NTM: variants seen among roughly 807,000 people sequenced by gnomAD.
NTM encodes neurotrimin.
In NTM, 13 loss-of-function variants were observed where a neutral mutation model predicts 42.1. The ratio of observed to expected loss-of-function variants is 0.31; its 90% CI spans 0.20 to 0.49. The LOEUF is 0.49. Ranked by LOEUF, NTM falls within the 20% of genes least tolerant of loss-of-function variation. NTM has a pLI of 0.99. For synonymous variants in NTM, 187 were observed against 179.2 expected (o/e 1.04, Z -0.35); for missense variants, 373 against 452.8 (o/e 0.82, Z 1.60).
intron 1 of NTM, among the ~76,000 whole-genome samples, chr11:131,510,085 G>A (rs900334138): frequency 6.6e-6 from 1 of 152,136 alleles, no homozygotes; most frequent in African/African-American, 2.4e-5. Flanking sequence ...TGGAGGAAAG[G>A]TCATGGGCCT....
chr11:131,767,256 A>C (rs2085271819), intron 1 of NTM: 3 of 352,508 alleles, frequency 8.5e-6, no homozygotes, highest in Non-Finnish European at 1.2e-5. Context: ...GTAAGAATTA[A>C]ACAAGAATAT....
In NTM at chr11:131,937,216, C is replaced by T. The variant is rs116749885; in HGVS notation, c.167+25568C>T. ...CAGTTTATGTGTGTTTTCTTAATAC[C>T]CTCTTAGCAGTTAATTATTCCTTTT... On this transcript the variant is annotated intron_variant, in intron 2 of 8. Transcript: ENST00000683400. 5.9e-3 allele frequency among the ~76,000 whole-genome samples: 896 copies of T among 152,048 alleles called. 8 individuals carry two copies. Among genetic ancestry groups the T allele is most frequent in the African/African-American group, 0.02 (813 of 41,446 alleles).
intron 1 of NTM, among the ~76,000 whole-genome samples, chr11:131,390,718 A>T (rs1025111827): frequency 1.4e-4 from 21 of 152,124 alleles, no homozygotes; most frequent in African/African-American, 4.6e-4. Context: ...TGGTTCTCAA[A>T]GTGTGGTCCC....
intron 2 of NTM, among the ~76,000 whole-genome samples, chr11:132,027,720 A>G (rs898627661): frequency 6.6e-6 from 1 of 152,062 alleles, no homozygotes; most frequent in Non-Finnish European, 1.5e-5. Flanking sequence ...GCCTAGGTGT[A>G]GTTTTTTGGT....
At position 132,319,669 on chromosome 11, in the gene NTM, G is replaced by C. The variant is rs998942223; in HGVS notation, c.934+4966G>C. Among the ~76,000 whole-genome samples the C allele has an allele frequency of 5.9e-5, 9 of 152,390 alleles. No individual in the cohort carries two copies. In the East Asian group the frequency reaches 1.2e-3, roughly 20 times the overall value. On this transcript the variant is annotated intron_variant, in intron 7 of 8. Coordinates refer to ENST00000683400, the MANE Select transcript of NTM (RefSeq NM_001352005.2). The stretch of plus-strand genomic sequence containing the variant: ...CACCACAGCTCCAGGAGGCCTGCCT[G>C]CCTCTGTAGGCTCCACCTCTGGGGG...
intron 1 of NTM, among the ~76,000 whole-genome samples, chr11:131,588,577 G>A (rs372368759): frequency 6.6e-6 from 1 of 152,178 alleles, no homozygotes; most frequent in Non-Finnish European, 1.5e-5. Context: ...TAGCCAGAGG[G>A]ATTTGCCATC....
At chr11:131,439,533 G>A (rs1591667727) in intron 1 of NTM, among the ~76,000 whole-genome samples, 2 of 152,330 alleles carry the variant, frequency 1.3e-5, no homozygotes, top group Admixed American at 1.3e-4. Context: ...CCCTCCCCCT[G>A]CCAGGCTGCT....
At chr11:132,064,030 A>G (rs543582808) in intron 2 of NTM, among the ~76,000 whole-genome samples, 34 of 152,184 alleles carry the variant, frequency 2.2e-4, no homozygotes, top group Non-Finnish European at 4.1e-4. Context: ...AGCTAACTCA[A>G]CAAGGGAAAG....
rs545016877 is a variant in NTM, at chr11:131,608,730, C to T, written c.82+237842C>T. 1.1e-4 allele frequency among the ~76,000 whole-genome samples: 17 copies of T among 152,294 alleles called. No individual in the cohort carries two copies. The South Asian group carries it at 2.5e-3, about 22-fold the overall frequency. ...TTTTACATCCCCTCTCTCTCTTTCC[C>T]GTTTTCCCTGTCTCTATTGCTCTCT... On this transcript the variant is annotated intron_variant, in intron 1 of 8. Coordinates refer to ENST00000683400, the MANE Select transcript of NTM (RefSeq NM_001352005.2).
At chr11:131,655,195 G>C (rs77489208) in intron 1 of NTM, among the ~76,000 whole-genome samples, 2,367 of 152,258 alleles carry the variant, frequency 0.016, 68 homozygotes, top group African/African-American at 0.053. Context: ...TTGAGTATGC[G>C]GGTTTTTCAA....
At chr11:131,406,469 A>C (rs1945823627) in intron 1 of NTM, among the ~76,000 whole-genome samples, 1 of 152,220 alleles carries the variant, frequency 6.6e-6, no homozygotes, top group Non-Finnish European at 1.5e-5. Context: ...TTACTACAGC[A>C]GCCCTGCCTT....
intron 2 of NTM, among the ~76,000 whole-genome samples, chr11:132,065,902 C>T (rs543164637): frequency 5.9e-5 from 9 of 152,290 alleles, no homozygotes; most frequent in Admixed American, 1.3e-4. Flanking sequence ...AATTCACATC[C>T]GTCTGATGCC....
intron 3 of NTM, among the ~76,000 whole-genome samples, chr11:132,188,733 A>G (rs1217695365): frequency 6.6e-6 from 1 of 152,174 alleles, no homozygotes; most frequent in African/African-American, 2.4e-5. Context: ...ACTGTATCTC[A>G]CAATTATTAA....
chr11:131,874,065 A>ATATATATATATCTATC (rs1565659857), intron 1 of NTM, among the ~76,000 whole-genome samples: 16 of 60,196 alleles, frequency 2.7e-4, no homozygotes, highest in African/African-American at 6.4e-4. Flanking sequence ...ATATATATAT[A>ATATATATATATCTATC]TATCAGCAAC....
intron 1 of NTM, among the ~76,000 whole-genome samples, chr11:131,782,106 G>A (rs889217624): frequency 1.1e-4 from 16 of 152,192 alleles, no homozygotes; most frequent in South Asian, 4.1e-4. Flanking sequence ...ACAGGAAAAC[G>A]TTTATTATTT....
intron 1 of NTM, among the ~76,000 whole-genome samples, chr11:131,733,509 T>TCCTC (rs568544938): frequency 6.7e-6 from 1 of 149,382 alleles, no homozygotes; most frequent in Non-Finnish European, 1.5e-5. Flanking sequence ...CTTCCTTCCT[T>TCCTC]CCTTCCTTCC....
intron 1 of NTM, among the ~76,000 whole-genome samples, chr11:131,395,527 GC>G: frequency 6.6e-6 from 1 of 152,046 alleles, no homozygotes; most frequent in South Asian, 2.1e-4. Context: ...ATTCCATTAA[GC>G]AGGAGAACTC....
intron 1 of NTM, among the ~76,000 whole-genome samples, chr11:131,789,631 G>GGAGAA (rs2090452529): frequency 2.4e-5 from 2 of 84,636 alleles, no homozygotes; most frequent in African/African-American, 1.0e-4. Flanking sequence ...AGAAGAAGAA[G>GGAGAA]AAGAAAAGAA....
chr11:131,453,242 G>A (rs989798417), intron 1 of NTM, among the ~76,000 whole-genome samples: 1 of 152,208 alleles, frequency 6.6e-6, no homozygotes, highest in Admixed American at 6.5e-5. Context: ...AGAGATGGGA[G>A]GTTGGGACAT....
Sources: allele counts gnomAD v4.1 joint callset (sites outside exome capture counted in the v4.1 genomes callset), GRCh38; gene constraint gnomAD v4.1.1; transcripts MANE v1.5; gene names NCBI Gene and HGNC (gene_info 2026-07-23, HGNC 2026-07-21).